LRP2: variants seen among roughly 807,000 people sequenced by gnomAD.
LRP2 encodes the protein low-density lipoprotein receptor-related protein 2.
Under a neutral mutation model 531.0 loss-of-function variants are expected in LRP2, and 172 were observed. That is an observed-to-expected ratio of 0.32 (90% CI 0.29 to 0.37). LRP2 has a LOEUF of 0.37. LRP2 is among the 10% of genes least tolerant of loss of function. LRP2 has a pLI of 1.00. For missense variants in LRP2, 5,167 were observed against 5,868.3 expected, an observed-to-expected ratio of 0.88 and a Z score of 3.90; for synonymous variants, 1,992 against 2,027.6, an observed-to-expected ratio of 0.98 and a Z score of 0.47.
At position 169,275,215 on chromosome 2, in the gene LRP2, G is replaced by A. The variant is rs1370646076; in HGVS notation, c.1796C>T (p.Ser599Phe). ...TACTCCAAAGGGATGAGGAATGAGGGAGCCTCCATGAACTACAGTCTTCCT... is the reference window on the plus strand; with the variant it reads ...TACTCCAAAGGGATGAGGAATGAGGAAGCCTCCATGAACTACAGTCTTCCT... ...IQRKTVVHGG[S>F]LIPHPFGVSL... Residue 599 changes from serine to phenylalanine, a missense_variant, in exon 14 of 79, where the codon TCC becomes TTC. Physicochemically the swap from Ser to Phe is radical, Grantham distance 155 (BLOSUM62 -2). This residue lies in a region of LRP2 where 2,811 missense variants were observed against 3,058.0 expected (regional missense o/e 0.92). Coordinates refer to ENST00000649046, the MANE Select transcript of LRP2 (RefSeq NM_004525.3). The A allele has an allele frequency of 2.5e-6, 4 of 1,613,412 alleles. No homozygotes were observed. Among genetic ancestry groups the A allele is most frequent in the Non-Finnish European group, 2.5e-6 (3 of 1,179,642 alleles).
intron 35 of LRP2, among the ~76,000 whole-genome samples, chr2:169,214,450 A>G (rs1222891183): frequency 1.3e-5 from 2 of 152,184 alleles, no homozygotes; most frequent in Non-Finnish European, 2.9e-5. Context: ...CTGGAAGAAA[A>G]ATGAAATGTA....
intron 33 of LRP2, among the ~76,000 whole-genome samples, chr2:169,222,736 T>C (rs1689063241): frequency 6.6e-6 from 1 of 152,236 alleles, no homozygotes; most frequent in Non-Finnish European, 1.5e-5. Context: ...ATTATGTGAA[T>C]GTGGTCTCTC....
chr2:169,236,951 G>T, intron 28 of LRP2, 152 bp downstream of exon 28: 1 of 676,692 alleles, frequency 1.5e-6, no homozygotes, highest in Non-Finnish European at 2.7e-6. Flanking sequence ...AGGAGAGATA[G>T]CAACACCCAG....
At chr2:169,152,619 C>G (rs1686185099) in intron 67 of LRP2, among the ~76,000 whole-genome samples, 180 bp downstream of exon 67, 1 of 152,060 alleles carries the variant, frequency 6.6e-6, no homozygotes, top group Non-Finnish European at 1.5e-5. Context: ...GTCTCCATGA[C>G]ATGCTGGGGT....
At chr2:169,327,761 G>C (rs571456969) in intron 1 of LRP2, among the ~76,000 whole-genome samples, 23 of 116,968 alleles carry the variant, frequency 2.0e-4, no homozygotes, top group South Asian at 3.0e-4. Context: ...GAGGTGGGGG[G>C]GTCAGCCCCC....
At chr2:169,201,192 C>T (rs1688191087) in intron 44 of LRP2, among the ~76,000 whole-genome samples, 1 of 152,162 alleles carries the variant, frequency 6.6e-6, no homozygotes, top group South Asian at 2.1e-4. Context: ...AGTGTTGTGG[C>T]ATAAAAGAGA....
At chr2:169,216,907 G>C (rs1389915746) in intron 34 of LRP2, among the ~76,000 whole-genome samples, 2 of 152,118 alleles carry the variant, frequency 1.3e-5, no homozygotes, top group Non-Finnish European at 2.9e-5. Flanking sequence ...TGATTTCTGT[G>C]ATGAAAAATG....
At chr2:169,291,113 T>G in intron 7 of LRP2, 116 bp from the exon 8 acceptor site, 1 of 883,534 alleles carries the variant, frequency 1.1e-6, no homozygotes, top group Non-Finnish European at 1.8e-6. Flanking sequence ...CTATAAATGA[T>G]CTACATTTTA....
intron 63 of LRP2, 89 bp from the exon 64 acceptor site, chr2:169,157,591 A>T: frequency 6.9e-7 from 1 of 1,439,610 alleles, no homozygotes; most frequent in Non-Finnish European, 9.7e-7. Context: ...CTCGTAACCA[A>T]CTATAGGACA....
intron 43 of LRP2, among the ~76,000 whole-genome samples, chr2:169,202,096 T>G (rs1345728183): frequency 6.6e-6 from 1 of 152,198 alleles, no homozygotes; most frequent in Admixed American, 6.5e-5. Flanking sequence ...TCAAGTAATT[T>G]AAGCACAAAT....
chr2:169,350,445 G>A (rs1685816102), intron 1 of LRP2, among the ~76,000 whole-genome samples: 1 of 152,044 alleles, frequency 6.6e-6, no homozygotes, highest in African/African-American at 2.4e-5. Context: ...AAAGTATGGG[G>A]ACTGAGGCCA....
At chr2:169,310,289 G>C (rs1684556151) in intron 3 of LRP2, among the ~76,000 whole-genome samples, 1 of 151,624 alleles carries the variant, frequency 6.6e-6, no homozygotes, top group Admixed American at 6.6e-5. Flanking sequence ...AGTTTTCAAA[G>C]GGAATGCTCC....
chr2:169,245,274 G>A (rs938067863), intron 21 of LRP2, among the ~76,000 whole-genome samples: 1 of 152,114 alleles, frequency 6.6e-6, no homozygotes, highest in Non-Finnish European at 1.5e-5. Flanking sequence ...TATGATTCAC[G>A]CTCTGGTTGG....
Position 169,162,521 on chromosome 2 carries a change from C to A in LRP2, c.11838G>T (p.Val3946=). 6.2e-7 allele frequency: 1 copy of A among 1,614,234 alleles called. No homozygotes were observed. Among genetic ancestry groups the A allele is most frequent in the Non-Finnish European group, 8.5e-7 (1 of 1,180,012 alleles). Residue 3946 remains valine, a synonymous_variant, in exon 63 of 79, where the codon GTG becomes GTT. Transcript: ENST00000649046. ...GNGHCIPHDN[V]CDDADDCGDW... Reference sequence around the variant, plus strand: ...CACCACAGTCATCGGCATCATCACACACATTGTCATGTGGAATGCAATGCC... The same window carrying A: ...CACCACAGTCATCGGCATCATCACAAACATTGTCATGTGGAATGCAATGCC...
chr2:169,232,961 T>G (rs1689464577), intron 30 of LRP2, among the ~76,000 whole-genome samples: 1 of 152,202 alleles, frequency 6.6e-6, no homozygotes, highest in African/African-American at 2.4e-5. Flanking sequence ...GTCTTTCACC[T>G]AGACACCCAT....
At chr2:169,286,428 T>C (rs956983370) in intron 9 of LRP2, among the ~76,000 whole-genome samples, 12 of 152,258 alleles carry the variant, frequency 7.9e-5, no homozygotes, top group Non-Finnish European at 2.9e-5. Context: ...TGGTATCTTC[T>C]CTGATCCTGA....
intron 1 of LRP2, among the ~76,000 whole-genome samples, chr2:169,342,807 T>C (rs831035): frequency 0.06 from 9,200 of 152,300 alleles, 395 homozygotes; most frequent in Non-Finnish European, 0.089. Flanking sequence ...AATAAACGTG[T>C]GTGAAAGAAA....
chr2:169,325,406 T>C (rs1248699797), intron 1 of LRP2, among the ~76,000 whole-genome samples: 1 of 152,242 alleles, frequency 6.6e-6, no homozygotes, highest in African/African-American at 2.4e-5. Context: ...AGGCAATTCC[T>C]TAACTTATCC....
intron 4 of LRP2, among the ~76,000 whole-genome samples, chr2:169,303,278 T>C (rs1684331725): frequency 6.6e-6 from 1 of 152,200 alleles, no homozygotes; most frequent in Admixed American, 6.5e-5. Flanking sequence ...AAATAAGTTA[T>C]ACGTTTCTAT....
Sources: allele counts gnomAD v4.1 joint callset (sites outside exome capture counted in the v4.1 genomes callset), GRCh38; gene constraint gnomAD v4.1.1; regional missense constraint gnomAD v4.1.1; transcripts MANE v1.5; gene names NCBI Gene and HGNC (gene_info 2026-07-23, HGNC 2026-07-21).